HTR1E: variants seen among roughly 807,000 people sequenced by gnomAD.
HTR1E encodes the protein 5-hydroxytryptamine receptor 1E.
HTR1E carries 3 observed loss-of-function variants against 3.4 expected under a neutral mutation model. The observed-to-expected ratio is 0.89, with a 90% confidence interval of 0.41 to 2.31. The LOEUF is 2.31. Ranked by LOEUF, HTR1E falls within the 30% of genes most tolerant of loss-of-function variation. HTR1E has a pLI of 0.05. For synonymous variants in HTR1E, 170 were observed against 182.8 expected (o/e 0.93, Z 0.56); for missense variants, 392 against 467.0 (o/e 0.84, Z 1.48).
rs541982716 is a variant in HTR1E at position 86,957,302 on chromosome 6, A to T, written c.-186+19479A>T. ...GCCTTCTGAGGTGACTACTTGAGCA[A>T]CATCTTTCAGATAATTCTAATCTAA... On this transcript the variant is annotated intron_variant, in intron 1 of 1. Transcript: ENST00000305344. Among the ~76,000 whole-genome samples, 42 of 152,378 alleles carry T rather than the reference A, an allele frequency of 2.8e-4. 1 individual carries two copies. Among genetic ancestry groups the T allele is most frequent in the African/African-American group, 9.9e-4 (41 of 41,586 alleles).
intron 1 of HTR1E, among the ~76,000 whole-genome samples, chr6:86,970,200 C>A (rs766903075): frequency 6.6e-6 from 1 of 152,092 alleles, no homozygotes; most frequent in Non-Finnish European, 1.5e-5. Flanking sequence ...TGGAGCACAG[C>A]AACATTCAAT....
At chr6:87,001,148 A>T (rs1351657366) in intron 1 of HTR1E, among the ~76,000 whole-genome samples, 1 of 152,190 alleles carries the variant, frequency 6.6e-6, no homozygotes, top group Non-Finnish European at 1.5e-5. Flanking sequence ...AAATCAAAAA[A>T]TATATAACAA....
chr6:86,953,142 A>G (rs1444589600), intron 1 of HTR1E, among the ~76,000 whole-genome samples: 1 of 152,186 alleles, frequency 6.6e-6, no homozygotes, highest in East Asian at 1.9e-4. Context: ...CTCTTAGTCG[A>G]GATCCTTTTG....
At chr6:86,940,733 GATCAA>G (rs1768534418) in intron 1 of HTR1E, among the ~76,000 whole-genome samples, 1 of 152,116 alleles carries the variant, frequency 6.6e-6, no homozygotes, top group African/African-American at 2.4e-5. Flanking sequence ...AAAAGTGAAA[GATCAA>G]ATCTAACGCT....
chr6:86,942,555 T>G (rs546837877), intron 1 of HTR1E, among the ~76,000 whole-genome samples: 32 of 152,340 alleles, frequency 2.1e-4, no homozygotes, highest in Non-Finnish European at 3.8e-4. Flanking sequence ...ATTTTAACTT[T>G]CTTACCATTC....
intron 1 of HTR1E, among the ~76,000 whole-genome samples, chr6:86,944,062 G>A (rs1227205869): frequency 6.6e-6 from 1 of 152,180 alleles, no homozygotes; most frequent in Non-Finnish European, 1.5e-5. Context: ...GGCTGGAGAC[G>A]TTCTTTTGCT....
At chr6:87,010,611 C>G (rs568644856) in intron 1 of HTR1E, among the ~76,000 whole-genome samples, 3 of 145,600 alleles carry the variant, frequency 2.1e-5, no homozygotes, top group African/African-American at 5.1e-5. Context: ...AGAGGCGCTC[C>G]TCACTTCCTA....
intron 1 of HTR1E, among the ~76,000 whole-genome samples, chr6:86,966,530 T>A (rs1478002115): frequency 6.6e-6 from 1 of 152,208 alleles, no homozygotes; most frequent in Non-Finnish European, 1.5e-5. Flanking sequence ...AGATCTTTTC[T>A]CACACATTAT....
intron 1 of HTR1E, among the ~76,000 whole-genome samples, chr6:86,958,847 A>T (rs1767361331): frequency 6.6e-6 from 1 of 152,078 alleles, no homozygotes; most frequent in African/African-American, 2.4e-5. Context: ...CTGAACAGGA[A>T]GTGTCTACCA....
intron 1 of HTR1E, among the ~76,000 whole-genome samples, chr6:86,945,142 G>A (rs145825429): frequency 2.6e-5 from 4 of 152,254 alleles, no homozygotes; most frequent in African/African-American, 4.8e-5. Flanking sequence ...TTATTGCCCC[G>A]AAGGACCTTC....
chr6:86,952,177 GCTTTGAATATTTCTACACA>G (rs1334150344), intron 1 of HTR1E, among the ~76,000 whole-genome samples: 9 of 152,060 alleles, frequency 5.9e-5, no homozygotes, highest in Non-Finnish European at 1.2e-4. Context: ...TCCAAGACTG[GCTTTGAATATTTCTACACA>G]CATGTGGCTA....
chr6:87,001,904 G>A (rs1331242262), intron 1 of HTR1E, among the ~76,000 whole-genome samples: 1 of 152,040 alleles, frequency 6.6e-6, no homozygotes, highest in South Asian at 2.1e-4. Context: ...CATACACACT[G>A]ACAATAAAGG....
intron 1 of HTR1E, among the ~76,000 whole-genome samples, chr6:86,955,015 G>C (rs990484940): frequency 6.6e-6 from 1 of 152,132 alleles, no homozygotes; most frequent in African/African-American, 2.4e-5. Context: ...CAATATGCTT[G>C]GTTTTCAACA....
chr6:87,016,533 A>T lies in HTR1E; in HGVS notation c.*101A>T. ...TTCTTGAACATACTTGGTTCAGGAG[A>T]GTTTGTAAGTATGTGTGGTCTTGTT... On this transcript the variant is annotated 3_prime_UTR_variant, in exon 2 of 2. Transcript: ENST00000305344. 2 of 960,814 alleles carry T rather than the reference A, an allele frequency of 2.1e-6. No homozygotes were observed. The highest frequency in any genetic ancestry group is 5.0e-5 in the East Asian group (2 of 40,274). The allele number at this position is 960,814 out of a possible 1,614,324, so 59.5% of individuals were successfully genotyped here.
chr6:87,008,628 T>C (rs1029743498), intron 1 of HTR1E, among the ~76,000 whole-genome samples: 15 of 152,214 alleles, frequency 9.9e-5, no homozygotes, highest in Admixed American at 1.3e-4. Flanking sequence ...AGGTGAGTGT[T>C]GGCTCTTCCT....
At chr6:87,000,334 T>C (rs776140878) in intron 1 of HTR1E, 1 of 152,110 alleles carries the variant, frequency 6.6e-6, no homozygotes, top group Non-Finnish European at 1.5e-5. Flanking sequence ...AATTGTAATA[T>C]AAAATTATTT....
intron 1 of HTR1E, among the ~76,000 whole-genome samples, chr6:87,009,432 A>C (rs1379396126): frequency 2.0e-5 from 3 of 152,054 alleles, no homozygotes; most frequent in African/African-American, 7.3e-5. Flanking sequence ...TTAGTGCAGA[A>C]CAAAATGAAA....
chr6:86,972,831 C>A, intron 1 of HTR1E, among the ~76,000 whole-genome samples: 1 of 152,142 alleles, frequency 6.6e-6, no homozygotes, highest in East Asian at 1.9e-4. Flanking sequence ...TTTTACTTCT[C>A]ATTTTCAACC....
chr6:86,991,993 C>A (rs1241525065), intron 1 of HTR1E, among the ~76,000 whole-genome samples: 1 of 152,102 alleles, frequency 6.6e-6, no homozygotes, highest in Non-Finnish European at 1.5e-5. Flanking sequence ...CTTTCTGCCA[C>A]CCTGCCTTCT....
Sources: gnomAD v4.1 joint callset for allele counts (sites outside exome capture counted in the v4.1 genomes callset) on GRCh38, gnomAD v4.1.1 for gene constraint, MANE v1.5 for transcripts, NCBI Gene and HGNC (gene_info 2026-07-23, HGNC 2026-07-21) for gene names.